Variants in PRDX1 observed in about 807,000 individuals in gnomAD.
PRDX1 encodes peroxiredoxin-1.
Under a neutral mutation model 20.7 loss-of-function variants are expected in PRDX1, and 19 were observed. The observed-to-expected ratio is 0.92, with a 90% CI of 0.64 to 1.35. The LOEUF is 1.35. Ranked by LOEUF, PRDX1 falls within the 40% of genes most tolerant of loss-of-function variation. The probability of loss-of-function intolerance (pLI) is 0.00; values close to 1 mark genes in which losing one functional copy is unlikely to be tolerated. For missense variants in PRDX1, 226 were observed against 240.0 expected (o/e 0.94, Z 0.38); for synonymous variants, 89 against 83.9 (o/e 1.06, Z -0.33).
At chr1:45,516,459 A>G (rs995307778) in intron 2 of PRDX1, among the ~76,000 whole-genome samples, 1 of 152,132 alleles carries the variant, frequency 6.6e-6, no homozygotes, top group African/African-American at 2.4e-5. Context: ...CTGTCTCAAA[A>G]CAACAGAAAT....
Position 45,520,195 on chromosome 1 carries a change from ACT to A in PRDX1, c.-11-1143_-11-1142del, listed in dbSNP as rs1371630302. On this transcript the variant is annotated intron_variant, in intron 1 of 5. Coordinates refer to ENST00000319248, the MANE Select transcript of PRDX1 (RefSeq NM_181697.3). Reference sequence around the variant, plus strand: ...ACTCCAGCCTGGGCAACAGAGTGAGACTCTGTCTCCAAAAAAAAAAAAAAAAA... The same window carrying A: ...ACTCCAGCCTGGGCAACAGAGTGAGACTGTCTCCAAAAAAAAAAAAAAAAA... Among the ~76,000 whole-genome samples, 9 of 127,566 alleles carry A rather than the reference ACT, an allele frequency of 7.1e-5. 1 individual carries two copies. The highest frequency in any genetic ancestry group is 2.3e-4 in the African/African-American group (7 of 30,336). 83.7% of individuals were successfully genotyped at this position (127,566 alleles called of 152,430 possible). A position where few individuals can be genotyped will look rare whatever the true frequency, so the allele number is the denominator to read the frequency against.
Position 45,515,648 on chromosome 1 carries a change from AT to A in PRDX1, c.260+5del. On this transcript the variant is annotated splice_donor_5th_base_variant and intron_variant, in intron 3 of 5. Coordinates refer to ENST00000319248, the MANE Select transcript of PRDX1 (RefSeq NM_181697.3). ...GTTCACATGCCAAATAGACCAAGAG[AT>A]TTACCATGCTAGATGACAGAAGTGA... 1.3e-6 allele frequency: 2 copies of A among 1,558,040 alleles called. No individual in the cohort carries two copies. The highest frequency in any genetic ancestry group is 2.4e-5 in the South Asian group (2 of 83,528).
chr1:45,518,226 G>A (rs1296426680), intron 2 of PRDX1, among the ~76,000 whole-genome samples: 2 of 151,910 alleles, frequency 1.3e-5, no homozygotes, highest in Non-Finnish European at 2.9e-5. Context: ...ATTTTGGGAC[G>A]CCGAGGTGGG....
At chr1:45,522,554 C>T (rs1643923471), upstream of PRDX1, among the ~76,000 whole-genome samples, 1 of 152,158 alleles carries the variant, frequency 6.6e-6, no homozygotes, top group Non-Finnish European at 1.5e-5. Context: ...GCCAGACCCA[C>T]ACGGTAAGGC....
chr1:45,520,729 A>G (rs1208395372), intron 1 of PRDX1, among the ~76,000 whole-genome samples: 2 of 148,910 alleles, frequency 1.3e-5, no homozygotes, highest in Non-Finnish European at 3.0e-5. Flanking sequence ...GTCTCAAAAA[A>G]AAAAAAAAAA....
intron 1 of PRDX1, among the ~76,000 whole-genome samples, chr1:45,520,486 G>T (rs958375446): frequency 2.6e-5 from 4 of 152,046 alleles, no homozygotes; most frequent in African/African-American, 9.7e-5. Flanking sequence ...ACTTTGGGAG[G>T]CCGAGGCAGG....
chr1:45,514,651 T>G lies in PRDX1; in HGVS notation c.384-14A>C. Reference sequence around the variant, plus strand: ...ATAAAAAGGCCCCTGGGAAAAGAGATGAAAGGAAAAGCAATACAGGTTTAG... The same window carrying G: ...ATAAAAAGGCCCCTGGGAAAAGAGAGGAAAGGAAAAGCAATACAGGTTTAG... On this transcript the variant is annotated splice_polypyrimidine_tract_variant and intron_variant, in intron 4 of 5. Transcript: ENST00000319248. The G allele has an allele frequency of 6.2e-7, 1 of 1,613,164 alleles. No individual in the cohort carries two copies. Among genetic ancestry groups the G allele is most frequent in the Non-Finnish European group, 8.5e-7 (1 of 1,179,238 alleles).
At chr1:45,520,152 C>G (rs1051641068) in intron 1 of PRDX1, among the ~76,000 whole-genome samples, 1 of 146,866 alleles carries the variant, frequency 6.8e-6, no homozygotes, top group Non-Finnish European at 1.5e-5. Context: ...TTGCAGTAAG[C>G]TGAGATCGCG....
At chr1:45,511,588 A>G (rs1212188115) in intron 5 of PRDX1, 174 bp from the exon 6 acceptor site, 2 of 436,230 alleles carry the variant, frequency 4.6e-6, no homozygotes, top group Non-Finnish European at 8.1e-6. Context: ...ACAAACATAT[A>G]ATCATCACCA....
chr1:45,514,105 C>T (rs548419075), intron 5 of PRDX1, among the ~76,000 whole-genome samples: 52 of 152,266 alleles, frequency 3.4e-4, no homozygotes, highest in Admixed American at 2.9e-3. Context: ...GTGGGACATG[C>T]GGGCAGCAAT....
At chr1:45,515,264 C>T (rs1643837266) in intron 3 of PRDX1, among the ~76,000 whole-genome samples, 1 of 152,152 alleles carries the variant, frequency 6.6e-6, no homozygotes, top group African/African-American at 2.4e-5. Context: ...GAAGGCAATA[C>T]TTGAAAGTCT....
intron 1 of PRDX1, among the ~76,000 whole-genome samples, chr1:45,520,066 G>A (rs373551482): frequency 5.3e-5 from 8 of 152,024 alleles, no homozygotes; most frequent in African/African-American, 1.7e-4. Context: ...TTAGTCGGGC[G>A]TGGTGGTGCA....
At chr1:45,517,033 A>G (rs543035790) in intron 2 of PRDX1, among the ~76,000 whole-genome samples, 1 of 151,876 alleles carries the variant, frequency 6.6e-6, no homozygotes, top group East Asian at 1.9e-4. Flanking sequence ...AAAAAAAAAA[A>G]AAAAAGCCAA....
intron 3 of PRDX1, 32 bp downstream of exon 3, chr1:45,515,622 A>AG (rs1553163713): frequency 2.2e-6 from 3 of 1,339,166 alleles, no homozygotes; most frequent in Admixed American, 2.7e-5. Context: ...AAAAAAAAAA[A>AG]GTTCACATGC....
At chr1:45,511,524 A>C (rs1378216842) in intron 5 of PRDX1, 110 bp from the exon 6 acceptor site, 3 of 795,478 alleles carry the variant, frequency 3.8e-6, no homozygotes, top group Non-Finnish European at 6.1e-6. Context: ...CAGGAAACCT[A>C]CCCCTGCAAT....
chr1:45,515,282 A>G (rs1360981499), intron 3 of PRDX1, among the ~76,000 whole-genome samples: 1 of 152,144 alleles, frequency 6.6e-6, no homozygotes, highest in African/African-American at 2.4e-5. Flanking sequence ...TCTATTGCCA[A>G]AGCTTCCCAG....
intron 2 of PRDX1, among the ~76,000 whole-genome samples, chr1:45,516,008 CTTTA>C (rs1179216548): frequency 6.6e-6 from 1 of 152,200 alleles, no homozygotes; most frequent in Non-Finnish European, 1.5e-5. Flanking sequence ...CAATCCCATA[CTTTA>C]TTCTCCTGCC....
Position 45,515,710 on chromosome 1 carries a change from TTTCTTAAATTC to T in PRDX1, c.193_203del (p.Glu65ThrfsTer24). On this transcript the variant is annotated frameshift_variant, in exon 3 of 6. Coordinates refer to ENST00000319248, the MANE Select transcript of PRDX1 (RefSeq NM_181697.3). LOFTEE classifies it high-confidence loss of function. ...AAGCACCAATCACTTGGCAGTTGAG[TTTCTTAAATTC>T]TTCTGCCCTATCACTGAAAGCAATG... 6.2e-7 allele frequency: 1 copy of T among 1,606,882 alleles called. No homozygotes were observed.
At chr1:45,520,488 C>A (rs1010953052) in intron 1 of PRDX1, among the ~76,000 whole-genome samples, 2 of 151,688 alleles carry the variant, frequency 1.3e-5, no homozygotes, top group African/African-American at 4.8e-5. Flanking sequence ...TTTGGGAGGC[C>A]GAGGCAGGCA....
Sources: allele counts gnomAD v4.1 joint callset (sites outside exome capture counted in the v4.1 genomes callset), GRCh38; gene constraint gnomAD v4.1.1; transcripts MANE v1.5; gene names NCBI Gene and HGNC (gene_info 2026-07-23, HGNC 2026-07-21).